PIAS2: variants seen among roughly 807,000 people sequenced by gnomAD.
PIAS2 encodes protein inhibitor of activated STAT 2.
In PIAS2, 19 loss-of-function variants were observed where a neutral mutation model predicts 69.7. That is an observed-to-expected ratio of 0.27 (90% CI 0.19 to 0.40). PIAS2 has a LOEUF of 0.40. Among genes scored for constraint, PIAS2 ranks in the 10% least tolerant of loss-of-function variants. PIAS2 has a pLI of 1.00. For missense variants in PIAS2, 624 were observed against 757.0 expected (o/e 0.82, Z 2.06); for synonymous variants, 261 against 263.2 (o/e 0.99, Z 0.08).
In PIAS2 at chr18:46,804,133, A is replaced by G. The variant is rs1411371462; in HGVS notation, c.*8300T>C. 2 of 152,154 alleles carry G rather than the reference A, an allele frequency of 1.3e-5. No individual in the cohort carries two copies. Among genetic ancestry groups the G allele is most frequent in the East Asian group, 3.8e-4 (2 of 5,196 alleles). 9.4% of individuals were successfully genotyped at this position (152,154 alleles called of 1,614,324 possible). A position where few individuals can be genotyped will look rare whatever the true frequency, so the allele number is the denominator to read the frequency against. On this transcript the variant is annotated 3_prime_UTR_variant, in exon 14 of 14. Transcript: ENST00000585916. ...ACCATTTCTTCATCCACCAATATTT[A>G]CTGGGCACCTTCTATGTAGCCCATA...
chr18:46,917,406 G>C lies in PIAS2; in HGVS notation c.-61C>G, dbSNP rs944637748. 2.1e-6 allele frequency: 3 copies of C among 1,404,264 alleles called. No homozygotes were observed. The highest frequency in any genetic ancestry group is 2.8e-6 in the Non-Finnish European group (3 of 1,075,226). 87.0% of individuals were successfully genotyped at this position (1,404,264 alleles called of 1,614,324 possible). On this transcript the variant is annotated 5_prime_UTR_variant, in exon 1 of 14. Coordinates refer to ENST00000585916, the MANE Select transcript of PIAS2 (RefSeq NM_004671.5). ...CGCACCCACTCCCGCTGCCGCCAAC[G>C]ACGCTGCCGCCACCACGGCCGCCGC...
intron 12 of PIAS2, chr18:46,815,634 C>T: frequency 9.3e-7 from 1 of 1,072,180 alleles, no homozygotes; most frequent in Non-Finnish European, 1.1e-6. Context: ...TCCCCCTTTG[C>T]CGCTTAACAG....
rs746101994 is a variant in PIAS2, at chr18:46,829,893, C to T, written c.1203-26G>A. 4 of 1,595,204 alleles carry T rather than the reference C, an allele frequency of 2.5e-6. No homozygotes were observed. In the African/African-American group the frequency reaches 4.1e-5, roughly 16 times the overall value. On this transcript the variant is annotated intron_variant, in intron 9 of 13. Transcript: ENST00000585916. ...CTAAAAAACAATTAAGAAGTACATA[C>T]ATGTGATCAACAGCTTTGCCTAAAG...
rs1029202377 is a variant in PIAS2, at chr18:46,805,807, T to C, written c.*6626A>G. 6.6e-6 allele frequency: 1 copy of C among 152,200 alleles called. No individual in the cohort carries two copies. Among genetic ancestry groups the C allele is most frequent in the Non-Finnish European group, 1.5e-5 (1 of 68,046 alleles). 9.4% of individuals were successfully genotyped at this position (152,200 alleles called of 1,614,324 possible). A position where few individuals can be genotyped will look rare whatever the true frequency, so the allele number is the denominator to read the frequency against. ...TGGATGACAAGGGAGGTTTGTACTTTTATTTAAAAGACTGCAGAAAAACCA... is the reference window on the plus strand; with the variant it reads ...TGGATGACAAGGGAGGTTTGTACTTCTATTTAAAAGACTGCAGAAAAACCA... On this transcript the variant is annotated 3_prime_UTR_variant, in exon 14 of 14. Coordinates refer to ENST00000585916, the MANE Select transcript of PIAS2 (RefSeq NM_004671.5).
intron 1 of PIAS2, among the ~76,000 whole-genome samples, chr18:46,911,130 A>C (rs2057212121): frequency 6.6e-6 from 1 of 152,170 alleles, no homozygotes; most frequent in Non-Finnish European, 1.5e-5. Flanking sequence ...CTGAATGGCT[A>C]CAACATGAGA....
chr18:46,890,888 C>T lies in PIAS2; in HGVS notation c.191G>A (p.Arg64Gln), dbSNP rs763285403. ...AAGTCCTTCAAGAGTTCGTGGATAT[C>T]GGCGTCTATACAATTCTCGGATTTT... ...QIKIRELYRR[R>Q]YPRTLEGLSD... Residue 64 changes from arginine to glutamine, a missense_variant, in exon 2 of 14, where the codon CGA becomes CAA. Arg to Gln is a conservative substitution (Grantham distance 43). Coordinates refer to ENST00000585916, the MANE Select transcript of PIAS2 (RefSeq NM_004671.5). The T allele has an allele frequency of 1.9e-6, 3 of 1,614,154 alleles. No individual in the cohort carries two copies. The highest frequency in any genetic ancestry group is 1.1e-5 in the South Asian group (1 of 91,072).
At chr18:46,885,908 T>C (rs2145920651) in intron 2 of PIAS2, among the ~76,000 whole-genome samples, 1 of 152,368 alleles carries the variant, frequency 6.6e-6, no homozygotes, top group South Asian at 2.1e-4. Flanking sequence ...AGTTTTATTT[T>C]AGTAAATTTA....
chr18:46,822,735 T>C (rs1016828574), intron 11 of PIAS2, among the ~76,000 whole-genome samples: 11 of 152,018 alleles, frequency 7.2e-5, no homozygotes, highest in African/African-American at 2.7e-4. Context: ...AGAGTTTATA[T>C]GAGAAACTGG....
intron 2 of PIAS2, among the ~76,000 whole-genome samples, chr18:46,866,119 A>G (rs2145633214): frequency 6.6e-6 from 1 of 152,330 alleles, no homozygotes; most frequent in East Asian, 1.9e-4. Flanking sequence ...GAACTAAAAG[A>G]AGAGAGTGCA....
At chr18:46,876,547 G>T (rs1429994967) in intron 2 of PIAS2, among the ~76,000 whole-genome samples, 1 of 152,146 alleles carries the variant, frequency 6.6e-6, no homozygotes, top group East Asian at 1.9e-4. Context: ...GAGAAAGGTG[G>T]AGTTTGTGTC....
At position 46,842,062 on chromosome 18, in the gene PIAS2, C is replaced by A. The variant is rs370735791; in HGVS notation, c.1041+1992G>T. On this transcript the variant is annotated intron_variant, in intron 8 of 13. Transcript: ENST00000585916. ...TGGGCAACATGGCGAAAGATCTCTACAAAAGACACCAAAATTAGCCAGGTG... is the reference window on the plus strand; with the variant it reads ...TGGGCAACATGGCGAAAGATCTCTAAAAAAGACACCAAAATTAGCCAGGTG... 9.2e-5 allele frequency among the ~76,000 whole-genome samples: 14 copies of A among 151,924 alleles called. No homozygotes were observed. In the East Asian group the frequency reaches 2.7e-3, roughly 29 times the overall value.
At chr18:46,816,556 T>C (rs2041565750) in intron 12 of PIAS2, 2 of 538,666 alleles carry the variant, frequency 3.7e-6, no homozygotes, top group Admixed American at 6.4e-5. Flanking sequence ...TAGGTAACTG[T>C]AGCCTTTACC....
At chr18:46,883,293 C>T (rs1190396415) in intron 2 of PIAS2, among the ~76,000 whole-genome samples, 1 of 152,060 alleles carries the variant, frequency 6.6e-6, no homozygotes, top group African/African-American at 2.4e-5. Context: ...ATTAAGGAAT[C>T]AAAGGTTCAT....
intron 2 of PIAS2, among the ~76,000 whole-genome samples, chr18:46,887,470 T>C (rs955789512): frequency 7.2e-5 from 11 of 152,198 alleles, no homozygotes; most frequent in Non-Finnish European, 2.9e-5. Flanking sequence ...GAAAGCAATC[T>C]TCCACATCAA....
intron 5 of PIAS2, among the ~76,000 whole-genome samples, chr18:46,854,156 CA>C (rs1446724480): frequency 6.6e-6 from 1 of 152,202 alleles, no homozygotes; most frequent in Admixed American, 6.5e-5. Flanking sequence ...AGACCAGGGT[CA>C]GTCTCAGTCA....
chr18:46,886,073 A>C (rs1232499666), intron 2 of PIAS2, among the ~76,000 whole-genome samples: 1 of 152,170 alleles, frequency 6.6e-6, no homozygotes. Flanking sequence ...TCCCTCTTGG[A>C]GTACCACTGA....
chr18:46,913,363 T>C (rs1214422732), intron 1 of PIAS2, among the ~76,000 whole-genome samples: 1 of 152,196 alleles, frequency 6.6e-6, no homozygotes, highest in Non-Finnish European at 1.5e-5. Flanking sequence ...CTTCGAATTA[T>C]GACACAACAA....
rs200551154 is a variant in PIAS2, at chr18:46,807,374, TATATATATA to T, written c.*5050_*5058del. 46 of 30,770 alleles carry T rather than the reference TATATATATA, an allele frequency of 1.5e-3. No individual in the cohort carries two copies. Among genetic ancestry groups the T allele is most frequent in the African/African-American group, 6.8e-3 (33 of 4,820 alleles). 1.9% of individuals were successfully genotyped at this position (30,770 alleles called of 1,614,324 possible). On this transcript the variant is annotated 3_prime_UTR_variant, in exon 14 of 14. Coordinates refer to ENST00000585916, the MANE Select transcript of PIAS2 (RefSeq NM_004671.5). Reference sequence around the variant, plus strand: ...CAGATTTTATATATATATATATATATATATATATATTTTTTTTTTTTTTTTTTTTTTTTT... The same window carrying T: ...CAGATTTTATATATATATATATATATTTTTTTTTTTTTTTTTTTTTTTTTT...
chr18:46,833,640 G>A (rs1395731191), intron 9 of PIAS2, among the ~76,000 whole-genome samples: 1 of 152,154 alleles, frequency 6.6e-6, no homozygotes, highest in Non-Finnish European at 1.5e-5. Flanking sequence ...TTTTATTCAA[G>A]TGAACATGGC....
Sources: gnomAD v4.1 joint callset for allele counts (sites outside exome capture counted in the v4.1 genomes callset) on GRCh38, gnomAD v4.1.1 for gene constraint, MANE v1.5 for transcripts, NCBI Gene and HGNC (gene_info 2026-07-23, HGNC 2026-07-21) for gene names.